The following CHRM5 variants were observed in gnomAD, a reference collection of about 807,000 sequenced individuals.
CHRM5 encodes cholinergic receptor muscarinic 5, also known as muscarinic acetylcholine receptor M5.
A neutral mutation model predicts 39.0 loss-of-function variants in CHRM5; 18 were observed. That is an observed-to-expected ratio of 0.46 (90% CI 0.32 to 0.68). CHRM5 has a LOEUF of 0.68. Ranked by LOEUF, CHRM5 falls within the 30% of genes least tolerant of loss-of-function variation. CHRM5 has a pLI of 0.04. For missense variants in CHRM5, 515 were observed against 651.1 expected (o/e 0.79, Z 2.28); for synonymous variants, 241 against 246.3 (o/e 0.98, Z 0.20).
At chr15:33,987,724 A>G (rs1311667815) in intron 1 of CHRM5, among the ~76,000 whole-genome samples, 1 of 152,144 alleles carries the variant, frequency 6.6e-6, no homozygotes, top group Admixed American at 6.5e-5. Context: ...TTCAACTGCA[A>G]CAGTGTGGCC....
At chr15:34,020,440 T>G (rs998481567) in intron 1 of CHRM5, among the ~76,000 whole-genome samples, 3 of 152,250 alleles carry the variant, frequency 2.0e-5, no homozygotes, top group Non-Finnish European at 4.4e-5. Context: ...AGAAATTTGG[T>G]TGAAACAATA....
chr15:33,993,681 C>T (rs1465272564), intron 1 of CHRM5, among the ~76,000 whole-genome samples: 1 of 152,072 alleles, frequency 6.6e-6, no homozygotes, highest in Non-Finnish European at 1.5e-5. Flanking sequence ...ATCATCCAGG[C>T]CAGGAAATAG....
Position 34,062,839 on chromosome 15 carries a change from G to T in CHRM5, c.122G>T (p.Ser41Ile). 6.2e-7 allele frequency: 1 copy of T among 1,614,226 alleles called. No individual in the cohort carries two copies. The highest frequency in any genetic ancestry group is 8.5e-7 in the Non-Finnish European group (1 of 1,180,038). ...ATTGCAGCTGTGACTGCTGTGGTAA[G>T]CCTGATCACCATTGTGGGCAATGTC... ...ITIAAVTAVV[S>I]LITIVGNVLV... Residue 41 changes from serine to isoleucine, a missense_variant, in exon 3 of 3, where the codon AGC (serine) becomes ATC (isoleucine). By Grantham distance (142) the Ser-to-Ile change is moderately radical. Transcript: ENST00000383263.
intron 1 of CHRM5, among the ~76,000 whole-genome samples, chr15:34,005,483 C>G (rs1004974399): frequency 6.6e-6 from 1 of 152,120 alleles, no homozygotes; most frequent in Non-Finnish European, 1.5e-5. Flanking sequence ...AATGTAAGTG[C>G]TCAATGGAGT....
Position 34,064,250 on chromosome 15 carries a change from C to G in CHRM5, c.1533C>G (p.Leu511=). The change falls in exon 3 of 3, where the codon CTC becomes CTG. Residue 511 remains leucine (L), a synonymous_variant. Coordinates refer to ENST00000383263, the MANE Select transcript of CHRM5 (RefSeq NM_012125.4). ...GGAAGACCTTTAAGATGCTGCTTCT[C>G]TGCCGATGGAAAAAGAAAAAAGTGG... The part of the protein sequence containing the change: ...TFRKTFKMLL[L]CRWKKKKVEE... The G allele has an allele frequency of 1.2e-6, 2 of 1,614,108 alleles. No homozygotes were observed. The highest frequency in any genetic ancestry group is 1.7e-6 in the Non-Finnish European group (2 of 1,180,024).
chr15:34,033,937 G>A (rs2684939), intron 1 of CHRM5, among the ~76,000 whole-genome samples: 70,420 of 151,832 alleles, frequency 0.46, 19,523 homozygotes, highest in Non-Finnish European at 0.62. Context: ...ACAGGTGCGC[G>A]CCACCATGCC....
intron 1 of CHRM5, among the ~76,000 whole-genome samples, chr15:33,977,109 G>T (rs931018098): frequency 6.6e-6 from 1 of 152,188 alleles, no homozygotes; most frequent in Admixed American, 6.5e-5. Context: ...AAGGAGATAG[G>T]AAGGTTGAAA....
At chr15:33,993,896 G>A (rs887412729) in intron 1 of CHRM5, among the ~76,000 whole-genome samples, 36 of 152,036 alleles carry the variant, frequency 2.4e-4, no homozygotes, top group Non-Finnish European at 4.4e-5. Flanking sequence ...CGAATTCTGT[G>A]GGCATGTTTC....
intron 1 of CHRM5, among the ~76,000 whole-genome samples, chr15:34,040,003 TAATG>T (rs1446057213): frequency 6.6e-6 from 1 of 152,084 alleles, no homozygotes; most frequent in African/African-American, 2.4e-5. Flanking sequence ...CACCTGAAAA[TAATG>T]AAAGCAAGGG....
At chr15:34,038,940 G>A in intron 1 of CHRM5, 1 of 1,099,246 alleles carries the variant, frequency 9.1e-7, no homozygotes, top group Non-Finnish European at 1.1e-6. Context: ...GCCGCCTCTG[G>A]CTACCGCCGC....
chr15:34,040,065 T>G (rs960480700), intron 1 of CHRM5, among the ~76,000 whole-genome samples: 2 of 152,218 alleles, frequency 1.3e-5, no homozygotes, highest in Non-Finnish European at 2.9e-5. Context: ...CCCTCAGTAC[T>G]TTCTGGTTCT....
chr15:34,031,662 G>C (rs957222386), intron 1 of CHRM5, among the ~76,000 whole-genome samples: 3 of 152,026 alleles, frequency 2.0e-5, no homozygotes, highest in Non-Finnish European at 2.9e-5. Context: ...TGTGCTGTTT[G>C]CACACACACC....
At chr15:33,992,689 T>C (rs1207812110) in intron 1 of CHRM5, among the ~76,000 whole-genome samples, 1 of 152,154 alleles carries the variant, frequency 6.6e-6, no homozygotes, top group Non-Finnish European at 1.5e-5. Flanking sequence ...GCTGAATCAA[T>C]GAGGACAAAT....
At chr15:34,033,235 G>A (rs1055496375) in intron 1 of CHRM5, among the ~76,000 whole-genome samples, 18 of 152,260 alleles carry the variant, frequency 1.2e-4, no homozygotes, top group Middle Eastern at 3.4e-3. Context: ...GCTGGGCGCG[G>A]TGGCTCATGT....
At chr15:33,993,578 G>C (rs1303251855) in intron 1 of CHRM5, among the ~76,000 whole-genome samples, 1 of 152,158 alleles carries the variant, frequency 6.6e-6, no homozygotes, top group Non-Finnish European at 1.5e-5. Context: ...CACTTTTAAA[G>C]AGTTTTATTC....
At chr15:34,003,321 A>G in intron 1 of CHRM5, 2 of 830,668 alleles carry the variant, frequency 2.4e-6, no homozygotes, top group East Asian at 5.3e-5. Flanking sequence ...CAATAGACCA[A>G]GCTGTCTGAA....
chr15:34,011,144 A>ATCATGCCACTGCAC (rs1897619977), intron 1 of CHRM5, among the ~76,000 whole-genome samples: 1 of 152,082 alleles, frequency 6.6e-6, no homozygotes, highest in Non-Finnish European at 1.5e-5. Context: ...GTAAGCTATG[A>ATCATGCCACTGCAC]TCATGCCACT....
intron 1 of CHRM5, among the ~76,000 whole-genome samples, chr15:34,016,085 T>C (rs1168766299): frequency 6.6e-6 from 1 of 152,188 alleles, no homozygotes; most frequent in Admixed American, 6.5e-5. Context: ...GAGACCAGCC[T>C]GACCAACATG....
Position 34,063,393 on chromosome 15 carries a change from G to T in CHRM5, c.676G>T (p.Asp226Tyr), listed in dbSNP as rs1462405930. 1 of 1,614,030 alleles carries T rather than the reference G, an allele frequency of 6.2e-7. No individual in the cohort carries two copies. Among genetic ancestry groups the T allele is most frequent in the South Asian group, 1.1e-5 (1 of 91,088 alleles). Residue 226 changes from aspartate (D) to tyrosine (Y), a missense_variant, in exon 3 of 3, where the codon GAC becomes TAC. Asp to Tyr is a radical substitution (Grantham distance 160). Coordinates refer to ENST00000383263, the MANE Select transcript of CHRM5 (RefSeq NM_012125.4). The surrounding 1 kb of genome is among the most constrained non-coding windows in gnomAD (Gnocchi z 4.1). ...CCGGGAAACAGAGAAGCGAACCAAG[G>T]ACCTGGCTGACCTCCAGGGTTCTGA... The part of the protein sequence containing the change: ...IYRETEKRTK[D>Y]LADLQGSDSV...
Sources: allele counts gnomAD v4.1 joint callset (sites outside exome capture counted in the v4.1 genomes callset), GRCh38; gene constraint gnomAD v4.1.1; non-coding constraint Gnocchi (gnomAD v3.1); transcripts MANE v1.5; gene names NCBI Gene and HGNC (gene_info 2026-07-23, HGNC 2026-07-21).